Variants in DCDC2C observed in about 807,000 individuals in gnomAD.
DCDC2C encodes doublecortin domain-containing protein 2C.
In DCDC2C, 44 loss-of-function variants were observed where a neutral mutation model predicts 45.0. The ratio of observed to expected loss-of-function variants is 0.98; its 90% CI spans 0.77 to 1.26. The LOEUF (loss-of-function observed/expected upper bound fraction) is 1.26, where lower values mean the gene tolerates loss of function less well. DCDC2C is among the 50% of genes most tolerant of loss of function. The pLI, the probability that DCDC2C is intolerant of heterozygous loss-of-function variation, is 0.00. For synonymous variants in DCDC2C, 187 were observed against 178.8 expected (o/e 1.05, Z -0.37); for missense variants, 447 against 468.9 (o/e 0.95, Z 0.43).
At chr2:3,750,176 C>A (rs1669503238) in intron 4 of DCDC2C, among the ~76,000 whole-genome samples, 1 of 152,270 alleles carries the variant, frequency 6.6e-6, no homozygotes, top group Admixed American at 6.5e-5. Context: ...ATTTCCATGT[C>A]TTCCCCCTCC....
chr2:3,744,776 G>A (rs1051465299), intron 4 of DCDC2C, among the ~76,000 whole-genome samples: 1 of 152,232 alleles, frequency 6.6e-6, no homozygotes, highest in African/African-American at 2.4e-5. Context: ...GTTTAGAGCA[G>A]TGGAGCCATG....
chr2:3,846,504 G>A (rs905887609), intron 10 of DCDC2C, among the ~76,000 whole-genome samples: 1 of 152,054 alleles, frequency 6.6e-6, no homozygotes, highest in Non-Finnish European at 1.5e-5. Context: ...GTCTATTATA[G>A]TACTCTATCT....
intron 10 of DCDC2C, among the ~76,000 whole-genome samples, chr2:3,798,599 G>A (rs887689124): frequency 6.7e-6 from 1 of 149,472 alleles, no homozygotes; most frequent in African/African-American, 2.4e-5. Context: ...TTGCTTGTCT[G>A]TAAAGTATTT....
At chr2:3,714,927 G>A (rs1668311621) in intron 2 of DCDC2C, among the ~76,000 whole-genome samples, 1 of 152,112 alleles carries the variant, frequency 6.6e-6, no homozygotes. Context: ...TTTTAAAAAA[G>A]TACCCTATAA....
chr2:3,807,755 C>A (rs1478550726), intron 10 of DCDC2C, among the ~76,000 whole-genome samples: 1 of 151,942 alleles, frequency 6.6e-6, no homozygotes, highest in Non-Finnish European at 1.5e-5. Flanking sequence ...ACCCCCATGC[C>A]CTGGCAGCCA....
chr2:3,792,874 A>C (rs983467472), intron 10 of DCDC2C, among the ~76,000 whole-genome samples: 2 of 152,216 alleles, frequency 1.3e-5, no homozygotes, highest in African/African-American at 4.8e-5. Context: ...TTGACAAATG[A>C]GATTGTTCAG....
chr2:3,840,120 G>T (rs1231446502), intron 10 of DCDC2C, among the ~76,000 whole-genome samples: 1 of 152,344 alleles, frequency 6.6e-6, no homozygotes, highest in East Asian at 1.9e-4. Flanking sequence ...GAGTGTTGAT[G>T]TAAGTGTACA....
At chr2:3,723,973 G>A (rs146881933) in intron 2 of DCDC2C, among the ~76,000 whole-genome samples, 214 of 152,166 alleles carry the variant, frequency 1.4e-3, no homozygotes, top group Non-Finnish European at 2.5e-3. Flanking sequence ...GTGTGTTTCT[G>A]TGTGTTTCTG....
intron 3 of DCDC2C, among the ~76,000 whole-genome samples, chr2:3,733,129 C>G (rs761879268): frequency 6.6e-6 from 1 of 152,088 alleles, no homozygotes; most frequent in South Asian, 2.1e-4. Context: ...ACATGCAGAT[C>G]AGTGTGGGGA....
rs1459042595 is a variant in DCDC2C at position 3,818,223 on chromosome 2, G to T, written c.1066-28931G>T. Among the ~76,000 whole-genome samples the T allele has an allele frequency of 6.6e-6, 1 of 152,178 alleles. No homozygotes were observed. Among genetic ancestry groups the T allele is most frequent in the Non-Finnish European group, 1.5e-5 (1 of 68,026 alleles). Reference sequence around the variant, plus strand: ...TGGAAAGAAAGTAAATTATGAGAAAGGGCTTGACTGAAGTAATGAGGGCTG... The same window carrying T: ...TGGAAAGAAAGTAAATTATGAGAAATGGCTTGACTGAAGTAATGAGGGCTG... On this transcript the variant is annotated intron_variant, in intron 10 of 10. Transcript: ENST00000399143. This position sits in a 1 kb window ranked among gnomAD's most constrained non-coding sequence, Gnocchi z 4.7.
chr2:3,829,037 T>C (rs528062258), intron 10 of DCDC2C, among the ~76,000 whole-genome samples: 1 of 152,322 alleles, frequency 6.6e-6, no homozygotes, highest in South Asian at 2.1e-4. Context: ...ACTATCATTT[T>C]TCAGTCTGCT....
intron 10 of DCDC2C, among the ~76,000 whole-genome samples, chr2:3,787,691 A>G (rs867378604): frequency 1.3e-5 from 2 of 152,246 alleles, no homozygotes; most frequent in Non-Finnish European, 2.9e-5. Context: ...TAGAAAATGC[A>G]GATAAGAAAA....
At chr2:3,778,500 G>C (rs550050128) in intron 8 of DCDC2C, among the ~76,000 whole-genome samples, 15 of 152,332 alleles carry the variant, frequency 9.8e-5, no homozygotes, top group South Asian at 2.1e-4. Flanking sequence ...AGGGAGCAGA[G>C]GGCCCTGGGT....
chr2:3,790,814 T>G lies in DCDC2C; in HGVS notation c.1065+5714T>G, dbSNP rs1971217. On this transcript the variant is annotated intron_variant, in intron 10 of 10. Transcript: ENST00000399143. ...ATTAAGCAATGAAACTTTTAGAAAA[T>G]TATTTGGTTCTAGGCCGGGCGCGGT... 1.1e-4 allele frequency among the ~76,000 whole-genome samples: 16 copies of G among 152,130 alleles called. No individual in the cohort carries two copies. In the East Asian group the frequency reaches 2.9e-3, roughly 28 times the overall value.
chr2:3,798,627 T>C (rs559225338), intron 10 of DCDC2C, among the ~76,000 whole-genome samples: 112 of 149,444 alleles, frequency 7.5e-4, no homozygotes, highest in African/African-American at 2.0e-3. Context: ...CCTTCACTTA[T>C]GAAGCTTAGT....
rs533821625 is a variant in DCDC2C, at chr2:3,800,254, C to T, written c.1065+15154C>T. Among the ~76,000 whole-genome samples the T allele has an allele frequency of 2.0e-5, 3 of 152,284 alleles. No homozygotes were observed. In the East Asian group the frequency reaches 5.8e-4, roughly 29 times the overall value. On this transcript the variant is annotated intron_variant, in intron 10 of 10. Coordinates refer to ENST00000399143, the MANE Select transcript of DCDC2C (RefSeq NM_001287444.2). ...GCACACGGTGCGCGCACCCACTGAC[C>T]TGCGCCCACTGTCTGGCACTCCCTA... is the stretch of plus-strand genomic sequence containing the variant.
chr2:3,788,029 A>T (rs1334844552), intron 10 of DCDC2C, among the ~76,000 whole-genome samples: 7 of 152,206 alleles, frequency 4.6e-5, no homozygotes. Context: ...CTTACAAGGA[A>T]TTTTTCCAGA....
At chr2:3,828,809 A>T (rs961750476) in intron 10 of DCDC2C, among the ~76,000 whole-genome samples, 2 of 152,078 alleles carry the variant, frequency 1.3e-5, no homozygotes, top group African/African-American at 2.4e-5. Context: ...GTGCCTTCTG[A>T]TATTTTGTGA....
At chr2:3,728,360 A>G (rs1182781255) in intron 3 of DCDC2C, among the ~76,000 whole-genome samples, 2 of 152,170 alleles carry the variant, frequency 1.3e-5, no homozygotes, top group Non-Finnish European at 2.9e-5. Context: ...TGTACCTAAG[A>G]GCTGTTTTGA....
Sources: allele counts gnomAD v4.1 joint callset (sites outside exome capture counted in the v4.1 genomes callset), GRCh38; gene constraint gnomAD v4.1.1; non-coding constraint Gnocchi (gnomAD v3.1); transcripts MANE v1.5; gene names NCBI Gene and HGNC (gene_info 2026-07-23, HGNC 2026-07-21).